CAB39L: variants seen among roughly 807,000 people sequenced by gnomAD.
CAB39L encodes the protein calcium binding protein 39 like.
In CAB39L, 23 loss-of-function variants were observed where a neutral mutation model predicts 39.1. That is an observed-to-expected ratio of 0.59 (90% CI 0.42 to 0.83). CAB39L has a LOEUF of 0.83. CAB39L is among the 40% of genes least tolerant of loss of function. The probability of loss-of-function intolerance (pLI) is 0.00; values close to 1 mark genes in which losing one functional copy is unlikely to be tolerated. For missense variants in CAB39L, 366 were observed against 391.9 expected (o/e 0.93, Z 0.56); for synonymous variants, 126 against 137.2 (o/e 0.92, Z 0.57).
chr13:49,439,470 G>A (rs748422069), intron 1 of CAB39L, among the ~76,000 whole-genome samples: 6 of 152,018 alleles, frequency 3.9e-5, no homozygotes, highest in Non-Finnish European at 7.4e-5. Context: ...AGTATTCCAC[G>A]GTTCATATGT....
At chr13:49,440,570 A>G (rs1012107542) in intron 1 of CAB39L, among the ~76,000 whole-genome samples, 1 of 151,938 alleles carries the variant, frequency 6.6e-6, no homozygotes, top group Non-Finnish European at 1.5e-5. Context: ...TTTGGGCAGT[A>G]TGGCGATTCT....
chr13:49,349,558 T>G (rs1252350039), intron 7 of CAB39L, among the ~76,000 whole-genome samples: 1 of 151,550 alleles, frequency 6.6e-6, no homozygotes, highest in African/African-American at 2.4e-5. Flanking sequence ...CAGTCTATAG[T>G]ATTTTTTGAA....
rs537888649 is a variant in CAB39L at position 49,431,749 on chromosome 13, T to TA, written c.-32+1568dup. 2.1e-4 allele frequency among the ~76,000 whole-genome samples: 31 copies of TA among 151,188 alleles called. No homozygotes were observed. The South Asian group carries it at 3.2e-3, about 15-fold the overall frequency. Reference sequence around the variant, plus strand: ...AAAAAATAAAATAAAAAACAAAAAGTAAAAAAAATCTACCTACCATTCCAT... The same window carrying TA: ...AAAAAATAAAATAAAAAACAAAAAGTAAAAAAAAATCTACCTACCATTCCAT... On this transcript the variant is annotated intron_variant, in intron 3 of 10. Transcript: ENST00000409308.
In CAB39L at chr13:49,318,416, G is replaced by GTAATCACACCAC. The variant is rs1954225592; in HGVS notation, c.835-7424_835-7423insGTGGTGTGATTA. 3.6e-3 allele frequency among the ~76,000 whole-genome samples: 2 copies of GTAATCACACCAC among 560 alleles called. 1 individual carries two copies. Among genetic ancestry groups the GTAATCACACCAC allele is most frequent in the African/African-American group, 3.7e-3 (2 of 538 alleles). The allele number at this position is 560 out of a possible 152,430, so 0.4% of individuals were successfully genotyped here. ...CGAGAAGTTGAGGCTGCAGTGAGCTGTGATTCCAGCCCGGGTAACAGAGCA... is the reference window on the plus strand; with the variant it reads ...CGAGAAGTTGAGGCTGCAGTGAGCTGTAATCACACCACTGATTCCAGCCCGGGTAACAGAGCA... On this transcript the variant is annotated intron_variant, in intron 10 of 10. Transcript: ENST00000409308.
At chr13:49,404,797 G>C (rs139639459) in intron 3 of CAB39L, among the ~76,000 whole-genome samples, 96 of 152,264 alleles carry the variant, frequency 6.3e-4, no homozygotes, top group African/African-American at 2.1e-3. Flanking sequence ...ACTGAAAAAT[G>C]CATCAGAGTT....
intron 10 of CAB39L, among the ~76,000 whole-genome samples, chr13:49,313,317 T>A (rs954461724): frequency 5.9e-5 from 9 of 151,956 alleles, no homozygotes; most frequent in African/African-American, 1.9e-4. Context: ...CCATCTCTAC[T>A]AAAAATACAA....
At chr13:49,390,253 T>TA (rs1417481451) in intron 3 of CAB39L, among the ~76,000 whole-genome samples, 2 of 152,176 alleles carry the variant, frequency 1.3e-5, no homozygotes, top group Non-Finnish European at 2.9e-5. Context: ...ATTTCATATT[T>TA]AAAAAAAATT....
intron 5 of CAB39L, among the ~76,000 whole-genome samples, chr13:49,364,447 T>C (rs1955718516): frequency 6.6e-6 from 1 of 152,162 alleles, no homozygotes; most frequent in African/African-American, 2.4e-5. Context: ...GCCAGAGCAA[T>C]CAAACAAGAG....
intron 9 of CAB39L, among the ~76,000 whole-genome samples, chr13:49,337,060 T>G (rs944992601): frequency 1.3e-5 from 2 of 151,968 alleles, no homozygotes; most frequent in Non-Finnish European, 2.9e-5. Flanking sequence ...CCAGTGAGGG[T>G]ACAAATATAA....
At chr13:49,359,638 C>A in intron 6 of CAB39L, 76 bp downstream of exon 6, 1 of 749,280 alleles carries the variant, frequency 1.3e-6, no homozygotes, top group South Asian at 1.8e-5. Flanking sequence ...CATCATATCT[C>A]AAATGAGACT....
intron 10 of CAB39L, among the ~76,000 whole-genome samples, chr13:49,322,455 T>A (rs527737158): frequency 6.6e-6 from 1 of 152,376 alleles, no homozygotes; most frequent in Admixed American, 6.5e-5. Context: ...TCCTTCAACG[T>A]GAAATCACTG....
chr13:49,429,015 T>G (rs765911840), intron 3 of CAB39L, among the ~76,000 whole-genome samples: 43 of 152,280 alleles, frequency 2.8e-4, no homozygotes, highest in Non-Finnish European at 4.1e-4. Flanking sequence ...AATGCTAAAT[T>G]AATATTCCTC....
At chr13:49,423,595 ATT>A (rs1267401035) in intron 3 of CAB39L, among the ~76,000 whole-genome samples, 1 of 152,194 alleles carries the variant, frequency 6.6e-6, no homozygotes, top group Non-Finnish European at 1.5e-5. Context: ...AAGAGTAAAA[ATT>A]AGTAGGAGAG....
At chr13:49,331,762 G>A (rs1017916509) in intron 10 of CAB39L, among the ~76,000 whole-genome samples, 185 bp downstream of exon 10, 1 of 152,132 alleles carries the variant, frequency 6.6e-6, no homozygotes, top group African/African-American at 2.4e-5. Flanking sequence ...GGATTAGTCA[G>A]CAAACCTTTA....
intron 3 of CAB39L, among the ~76,000 whole-genome samples, chr13:49,404,049 T>C (rs567947413): frequency 6.6e-6 from 1 of 152,344 alleles, no homozygotes; most frequent in South Asian, 2.1e-4. Flanking sequence ...CAAGAAATAG[T>C]TGTTACAGGC....
At chr13:49,418,162 C>A (rs1203565831) in intron 3 of CAB39L, among the ~76,000 whole-genome samples, 1 of 152,054 alleles carries the variant, frequency 6.6e-6, no homozygotes, top group South Asian at 2.1e-4. Context: ...CCATTAACTG[C>A]TGAATGGATA....
intron 3 of CAB39L, among the ~76,000 whole-genome samples, chr13:49,395,099 C>T (rs77617914): frequency 0.022 from 3,375 of 151,944 alleles, 50 homozygotes; most frequent in Non-Finnish European, 0.026. Flanking sequence ...CTGTTTTTTC[C>T]GAAGCTTGTA....
intron 3 of CAB39L, among the ~76,000 whole-genome samples, chr13:49,400,632 G>T (rs1175696872): frequency 2.0e-5 from 3 of 151,816 alleles, no homozygotes; most frequent in African/African-American, 4.8e-5. Context: ...TCACTTATTG[G>T]GTCTAAAAGA....
At chr13:49,442,787 C>CAAAAAAAAAAA (rs71078844) in intron 1 of CAB39L, among the ~76,000 whole-genome samples, 69 of 103,678 alleles carry the variant, frequency 6.7e-4, no homozygotes, top group African/African-American at 1.8e-3. Flanking sequence ...GACTCCATCT[C>CAAAAAAAAAAA]AAAAAAAAAA....
Sources: allele counts gnomAD v4.1 joint callset (sites outside exome capture counted in the v4.1 genomes callset), GRCh38; gene constraint gnomAD v4.1.1; transcripts MANE v1.5; gene names NCBI Gene and HGNC (gene_info 2026-07-23, HGNC 2026-07-21).